The following MGAT4C variants were observed in gnomAD, a reference collection of about 807,000 sequenced individuals.
The protein encoded by MGAT4C is MGAT4 family member C, also known as alpha-1,3-mannosyl-glycoprotein 4-beta-N-acetylglucosaminyltransferase C.
A neutral mutation model predicts 40.1 loss-of-function variants in MGAT4C; 19 were observed. That is an observed-to-expected ratio of 0.47 (90% CI 0.33 to 0.70). The LOEUF (loss-of-function observed/expected upper bound fraction) is 0.70, where lower values mean the gene tolerates loss of function less well. Ranked by LOEUF, MGAT4C falls within the 30% of genes least tolerant of loss-of-function variation. The pLI is 0.02. For missense variants in MGAT4C, 491 were observed against 563.2 expected, an observed-to-expected ratio of 0.87 and a Z score of 1.30; for synonymous variants, 181 against 187.1, an observed-to-expected ratio of 0.97 and a Z score of 0.27.
intron 2 of MGAT4C, among the ~76,000 whole-genome samples, chr12:86,012,159 A>C (rs948308779): frequency 8.5e-5 from 13 of 152,168 alleles, no homozygotes; most frequent in South Asian, 2.1e-4. Flanking sequence ...ATATACCCTT[A>C]ATGTCATAGA....
chr12:86,499,065 A>C (rs2136331769), intron 2 of MGAT4C, among the ~76,000 whole-genome samples: 2 of 152,086 alleles, frequency 1.3e-5, no homozygotes, highest in South Asian at 2.1e-4. Context: ...TAATTTTATT[A>C]GAAATGTTGT....
chr12:86,467,785 G>A (rs1326039626), intron 2 of MGAT4C, among the ~76,000 whole-genome samples: 1 of 151,990 alleles, frequency 6.6e-6, no homozygotes, highest in African/African-American at 2.4e-5. Flanking sequence ...TTTAGATAAT[G>A]TTTCCAGGAT....
intron 3 of MGAT4C, among the ~76,000 whole-genome samples, chr12:86,388,019 A>T (rs1295863102): frequency 6.6e-6 from 1 of 152,176 alleles, no homozygotes; most frequent in African/African-American, 2.4e-5. Context: ...GACAGAATAG[A>T]TGCTTGTAAT....
chr12:86,465,038 T>A (rs1247273755), intron 2 of MGAT4C, among the ~76,000 whole-genome samples: 1 of 152,142 alleles, frequency 6.6e-6, no homozygotes, highest in Non-Finnish European at 1.5e-5. Flanking sequence ...AGTTAGATAA[T>A]TTATCAGAAG....
intron 2 of MGAT4C, chr12:86,601,361 C>G (rs998785753): frequency 6.6e-6 from 1 of 152,146 alleles, no homozygotes; most frequent in Admixed American, 6.5e-5. Flanking sequence ...CCCATGGCCA[C>G]CTGTAACCAA....
chr12:86,750,948 C>T (rs541476949), intron 1 of MGAT4C, among the ~76,000 whole-genome samples: 38 of 151,848 alleles, frequency 2.5e-4, no homozygotes, highest in East Asian at 9.7e-4. Flanking sequence ...CCAGCATCTA[C>T]GAGAGCTTGT....
At chr12:86,168,278 C>G (rs11103874) in intron 1 of MGAT4C, among the ~76,000 whole-genome samples, 5,181 of 152,176 alleles carry the variant, frequency 0.034, 299 homozygotes, top group African/African-American at 0.12. Flanking sequence ...CTCCCAACTA[C>G]AAAGTTATCA....
At chr12:86,815,526 C>CA (rs71309505) in intron 1 of MGAT4C, among the ~76,000 whole-genome samples, 39,226 of 142,956 alleles carry the variant, frequency 0.27, 5,456 homozygotes, top group Middle Eastern at 0.39. Context: ...AGTCATTATT[C>CA]AAAAAAAAAA....
intron 2 of MGAT4C, among the ~76,000 whole-genome samples, chr12:86,699,022 T>C (rs938487494): frequency 2.0e-5 from 3 of 152,162 alleles, no homozygotes; most frequent in African/African-American, 7.2e-5. Context: ...TCTCCATTTT[T>C]TACTAACTAG....
chr12:86,508,981 T>C (rs1256840931), intron 2 of MGAT4C, among the ~76,000 whole-genome samples: 1 of 152,034 alleles, frequency 6.6e-6, no homozygotes, highest in Non-Finnish European at 1.5e-5. Flanking sequence ...ATGAGTTAGG[T>C]TGCGAAAATT....
intron 2 of MGAT4C, among the ~76,000 whole-genome samples, chr12:86,725,754 C>A (rs1478309736): frequency 1.3e-5 from 2 of 152,188 alleles, no homozygotes. Flanking sequence ...TGAGCCACCG[C>A]GCCCGGCCCA....
At chr12:86,492,247 A>G (rs1262694757) in intron 2 of MGAT4C, among the ~76,000 whole-genome samples, 2 of 152,222 alleles carry the variant, frequency 1.3e-5, no homozygotes, top group Admixed American at 1.3e-4. Context: ...ATTCAATGTC[A>G]TCCCCATCAA....
chr12:86,512,824 T>G (rs1365445348), intron 2 of MGAT4C, among the ~76,000 whole-genome samples: 1 of 152,060 alleles, frequency 6.6e-6, no homozygotes, highest in Admixed American at 6.6e-5. Flanking sequence ...AAGTTTCAGT[T>G]ATACAAGATA....
intron 4 of MGAT4C, among the ~76,000 whole-genome samples, chr12:86,278,507 T>C (rs1304894009): frequency 6.6e-6 from 1 of 152,132 alleles, no homozygotes; most frequent in East Asian, 1.9e-4. Context: ...GATTTTTCAC[T>C]GTTGGCATAC....
At chr12:86,203,094 G>A (rs1285068534) in intron 1 of MGAT4C, among the ~76,000 whole-genome samples, 3 of 151,222 alleles carry the variant, frequency 2.0e-5, no homozygotes, top group Non-Finnish European at 4.4e-5. Flanking sequence ...TTCTGCACAT[G>A]GTCAATGTTA....
At chr12:86,836,238 C>A (rs560722484) in intron 1 of MGAT4C, among the ~76,000 whole-genome samples, 120 of 152,056 alleles carry the variant, frequency 7.9e-4, no homozygotes, top group Non-Finnish European at 1.6e-3. Flanking sequence ...AGTCTGGAAT[C>A]CTCTGTAAAG....
intron 4 of MGAT4C, among the ~76,000 whole-genome samples, chr12:86,287,074 GA>G (rs1953370338): frequency 6.6e-6 from 1 of 152,150 alleles, no homozygotes; most frequent in African/African-American, 2.4e-5. Flanking sequence ...CTTTATGGTA[GA>G]GTGAGTTATA....
chr12:86,282,362 AATCCAATG>A (rs1953239914), intron 4 of MGAT4C, among the ~76,000 whole-genome samples: 1 of 152,096 alleles, frequency 6.6e-6, no homozygotes, highest in Non-Finnish European at 1.5e-5. Context: ...TGTTAAACCT[AATCCAATG>A]CCTTCTTTTT....
intron 1 of MGAT4C, among the ~76,000 whole-genome samples, chr12:86,203,247 T>C (rs539481767): frequency 6.6e-6 from 1 of 152,288 alleles, no homozygotes; most frequent in South Asian, 2.1e-4. Context: ...GGTTATATTC[T>C]GATTCAAAGG....
Sources: gnomAD v4.1 joint callset for allele counts (sites outside exome capture counted in the v4.1 genomes callset) on GRCh38, gnomAD v4.1.1 for gene constraint, MANE v1.5 for transcripts, NCBI Gene and HGNC (gene_info 2026-07-23, HGNC 2026-07-21) for gene names.